SPSB1: variants seen among roughly 807,000 people sequenced by gnomAD.
SPSB1 encodes splA/ryanodine receptor domain and SOCS box containing 1.
A neutral mutation model predicts 21.2 loss-of-function variants in SPSB1; 8 were observed. The ratio of observed to expected loss-of-function variants is 0.38; its 90% CI spans 0.22 to 0.68. The LOEUF (loss-of-function observed/expected upper bound fraction) is 0.68. Ranked by LOEUF, SPSB1 falls within the 30% of genes least tolerant of loss-of-function variation. The pLI, the probability that SPSB1 is intolerant of heterozygous loss-of-function variation, is 0.53. For synonymous variants in SPSB1, 169 were observed against 161.7 expected (o/e 1.05, Z -0.34); for missense variants, 242 against 377.8 (o/e 0.64, Z 2.98).
At chr1:9,307,624 T>C (rs9435206) in intron 1 of SPSB1, among the ~76,000 whole-genome samples, 79,969 of 149,986 alleles carry the variant, frequency 0.53, 22,534 homozygotes, top group Non-Finnish European at 0.64. Context: ...TGGAAGAGTC[T>C]GATCCAAACA....
chr1:9,306,932 T>TC (rs1177053213), intron 1 of SPSB1, among the ~76,000 whole-genome samples: 4 of 112,596 alleles, frequency 3.6e-5, no homozygotes, highest in Non-Finnish European at 7.1e-5. Context: ...CTTTTCTTCT[T>TC]TTTTTTTTTT....
intron 2 of SPSB1, among the ~76,000 whole-genome samples, chr1:9,360,921 TG>T (rs1190876639): frequency 6.6e-6 from 1 of 152,128 alleles, no homozygotes; most frequent in Non-Finnish European, 1.5e-5. Context: ...CTGCCACCTG[TG>T]GGGGGTGAAA....
chr1:9,300,705 G>C (rs996976521), intron 1 of SPSB1, among the ~76,000 whole-genome samples: 1 of 152,220 alleles, frequency 6.6e-6, no homozygotes, highest in African/African-American at 2.4e-5. Flanking sequence ...GGCATGTGTG[G>C]CAGAACGCTG....
At chr1:9,307,048 C>G (rs1415696653) in intron 1 of SPSB1, among the ~76,000 whole-genome samples, 1 of 151,990 alleles carries the variant, frequency 6.6e-6, no homozygotes, top group Non-Finnish European at 1.5e-5. Context: ...CCTCCTTAGC[C>G]TCCTGGGTAG....
intron 1 of SPSB1, among the ~76,000 whole-genome samples, chr1:9,354,511 C>T (rs576172707): frequency 9.9e-5 from 15 of 152,158 alleles, no homozygotes; most frequent in South Asian, 2.1e-4. Context: ...TTGAACGAGG[C>T]TCAAATCTTC....
Position 9,324,784 on chromosome 1 carries a change from G to T in SPSB1, c.-149-30959G>T, listed in dbSNP as rs1639785132. 6.6e-6 allele frequency among the ~76,000 whole-genome samples: 1 copy of T among 152,206 alleles called. No individual in the cohort carries two copies. Among genetic ancestry groups the T allele is most frequent in the Non-Finnish European group, 1.5e-5 (1 of 68,030 alleles). The stretch of plus-strand genomic sequence containing the variant: ...ACAGCTCACTCTGACAAAAACGCTT[G>T]TGGCCCTGGACTTCTTAGAGCCAAC... On this transcript the variant is annotated intron_variant, in intron 1 of 2. Coordinates refer to ENST00000328089, the MANE Select transcript of SPSB1 (RefSeq NM_025106.4). The surrounding 1 kb of genome is among the most constrained non-coding windows in gnomAD (Gnocchi z 4.3).
At chr1:9,315,364 C>T (rs1474382905) in intron 1 of SPSB1, among the ~76,000 whole-genome samples, 1 of 152,256 alleles carries the variant, frequency 6.6e-6, no homozygotes, top group Non-Finnish European at 1.5e-5. Flanking sequence ...GCAGTCAGGA[C>T]TTTGTGGCTG....
chr1:9,310,141 T>C (rs56045477), intron 1 of SPSB1, among the ~76,000 whole-genome samples: 1,293 of 112,764 alleles, frequency 0.011, 42 homozygotes, highest in African/African-American at 0.079. Context: ...TGATGATGCC[T>C]CTGCACCTGC....
chr1:9,355,577 G>T, intron 1 of SPSB1, 166 bp from the exon 2 acceptor site: 1 of 679,670 alleles, frequency 1.5e-6, no homozygotes, highest in Non-Finnish European at 1.9e-6. Context: ...GCCAGGGAAC[G>T]GGGGATTTCA....
Position 9,293,301 on chromosome 1 carries a change from G to A in SPSB1, c.-150+230G>A, listed in dbSNP as rs982733154. ...TCCCTCGCCGCGGCTCCTGGGAGAG[G>A]GGCCCAGGCCCGCCCCGCGCTGCCG... On this transcript the variant is annotated intron_variant, in intron 1 of 2. Coordinates refer to ENST00000328089, the MANE Select transcript of SPSB1 (RefSeq NM_025106.4). The surrounding 1 kb of genome is among the most constrained non-coding windows in gnomAD (Gnocchi z 5.1). Among the ~76,000 whole-genome samples the A allele has an allele frequency of 1.3e-5, 2 of 149,802 alleles. No homozygotes were observed. Among genetic ancestry groups the A allele is most frequent in the African/African-American group, 4.9e-5 (2 of 40,992 alleles).
intron 1 of SPSB1, among the ~76,000 whole-genome samples, chr1:9,330,077 C>G (rs1027463694): frequency 1.3e-5 from 2 of 152,208 alleles, no homozygotes; most frequent in African/African-American, 4.8e-5. Context: ...CACAAGGCAT[C>G]TCTTCTCACT....
chr1:9,321,714 C>G lies in SPSB1; in HGVS notation c.-150+28643C>G, dbSNP rs964864898. Among the ~76,000 whole-genome samples the G allele has an allele frequency of 6.6e-6, 1 of 152,090 alleles. No individual in the cohort carries two copies. Among genetic ancestry groups the G allele is most frequent in the Non-Finnish European group, 1.5e-5 (1 of 68,028 alleles). ...AATGTGCCCTTGACTCCAGGACCAG[C>G]CTGATGGCAGAGATCTTAAGATGTG... On this transcript the variant is annotated intron_variant, in intron 1 of 2. Coordinates refer to ENST00000328089, the MANE Select transcript of SPSB1 (RefSeq NM_025106.4). The surrounding 1 kb of genome is among the most constrained non-coding windows in gnomAD (Gnocchi z 4.8).
At chr1:9,299,780 G>A (rs907128036) in intron 1 of SPSB1, among the ~76,000 whole-genome samples, 8 of 151,882 alleles carry the variant, frequency 5.3e-5, no homozygotes, top group Non-Finnish European at 8.8e-5. Context: ...CGCCCGGGCC[G>A]ACATCATCTC....
intron 1 of SPSB1, among the ~76,000 whole-genome samples, chr1:9,296,027 T>A (rs1639218984): frequency 6.6e-6 from 1 of 152,070 alleles, no homozygotes; most frequent in African/African-American, 2.4e-5. Context: ...TTTCAGTGAG[T>A]GCTCTCCCCT....
chr1:9,309,319 T>TGC (rs1639478668), intron 1 of SPSB1, among the ~76,000 whole-genome samples: 2 of 150,686 alleles, frequency 1.3e-5, no homozygotes, highest in African/African-American at 4.9e-5. Context: ...TGTGTGTGTG[T>TGC]GTGTGTGTGT....
Position 9,324,276 on chromosome 1 carries a change from A to T in SPSB1, c.-150+31205A>T, listed in dbSNP as rs575308486. 6.6e-6 allele frequency among the ~76,000 whole-genome samples: 1 copy of T among 152,078 alleles called. No homozygotes were observed. The highest frequency in any genetic ancestry group is 2.1e-4 in the South Asian group (1 of 4,794). On this transcript the variant is annotated intron_variant, in intron 1 of 2. Coordinates refer to ENST00000328089, the MANE Select transcript of SPSB1 (RefSeq NM_025106.4). The surrounding 1 kb of genome is among the most constrained non-coding windows in gnomAD (Gnocchi z 4.3). ...CCACGTGGAGCCGGCACATAGTGGG[A>T]CTCACAGCTCTTCATGGCATCGATG...
At position 9,311,332 on chromosome 1, in the gene SPSB1, CCT is replaced by C. The variant is rs748317458; in HGVS notation, c.-150+18262_-150+18263del. Among the ~76,000 whole-genome samples, 27 of 152,108 alleles carry C rather than the reference CCT, an allele frequency of 1.8e-4. No homozygotes were observed. In the East Asian group the frequency reaches 5.2e-3, roughly 29 times the overall value. Reference sequence around the variant, plus strand: ...CCATGACTGGGGTTTCTTTCTTCCCCCTGATGGGTCTCGGCGTGGCTGAGGTT... The same window carrying C: ...CCATGACTGGGGTTTCTTTCTTCCCCGATGGGTCTCGGCGTGGCTGAGGTT... On this transcript the variant is annotated intron_variant, in intron 1 of 2. Transcript: ENST00000328089.
Position 9,305,093 on chromosome 1 carries a change from G to A in SPSB1, c.-150+12022G>A, listed in dbSNP as rs371115598. The stretch of plus-strand genomic sequence containing the variant: ...GGGGCCTCTCCCACTTCTCCCTCTC[G>A]CCCTTGTGGCCCATCTGCCCCCTCA... On this transcript the variant is annotated intron_variant, in intron 1 of 2. Coordinates refer to ENST00000328089, the MANE Select transcript of SPSB1 (RefSeq NM_025106.4). The surrounding 1 kb of genome is among the most constrained non-coding windows in gnomAD (Gnocchi z 4.8). 2.1e-4 allele frequency among the ~76,000 whole-genome samples: 32 copies of A among 152,090 alleles called. No homozygotes were observed. The highest frequency in any genetic ancestry group is 1.4e-3 in the East Asian group (7 of 5,164).
chr1:9,364,175 C>A (rs2142574), intron 2 of SPSB1, among the ~76,000 whole-genome samples: 1 of 152,060 alleles, frequency 6.6e-6, no homozygotes, highest in Non-Finnish European at 1.5e-5. Flanking sequence ...CACTTTCCGG[C>A]GGGGGCTGAG....
Sources: allele counts gnomAD v4.1 joint callset (sites outside exome capture counted in the v4.1 genomes callset), GRCh38; gene constraint gnomAD v4.1.1; non-coding constraint Gnocchi (gnomAD v3.1); transcripts MANE v1.5; gene names NCBI Gene and HGNC (gene_info 2026-07-23, HGNC 2026-07-21).